Variants in NOC2L observed in about 807,000 individuals in gnomAD.
The protein encoded by NOC2L is NOC2 like nucleolar associated transcriptional repressor.
NOC2L carries 101 observed loss-of-function variants against 94.2 expected under a neutral mutation model. The ratio of observed to expected loss-of-function variants is 1.07; its 90% CI spans 0.91 to 1.26. The LOEUF is 1.26. NOC2L is among the 50% of genes most tolerant of loss of function. The probability of loss-of-function intolerance (pLI) is 0.00; values close to 1 mark genes in which losing one functional copy is unlikely to be tolerated. For synonymous variants in NOC2L, 531 were observed against 413.4 expected, an observed-to-expected ratio of 1.28 and a Z score of -3.45; for missense variants, 1,076 against 980.1, an observed-to-expected ratio of 1.10 and a Z score of -1.31.
At position 951,958 on chromosome 1, in the gene NOC2L, C is replaced by T. The variant is rs545084802; in HGVS notation, c.1331+42G>A. 6 of 1,584,440 alleles carry T rather than the reference C, an allele frequency of 3.8e-6. No individual in the cohort carries two copies. In the East Asian group the frequency reaches 1.1e-4, roughly 30 times the overall value. ...CCACACAGTCCCAGCAAATTTGCTT[C>T]TCCTGACCCTCCCGCACAACCCTGC... On this transcript the variant is annotated intron_variant, in intron 11 of 18. Transcript: ENST00000327044.
rs776108572 is a variant in NOC2L at position 946,429 on chromosome 1, G to A, written c.1776C>T (p.Ser592=). The A allele has an allele frequency of 3.1e-6, 5 of 1,613,422 alleles. No homozygotes were observed. In the Admixed American group the frequency reaches 5.0e-5, roughly 16 times the overall value. The change falls in exon 15 of 19, where the codon TCC becomes TCT. Residue 592 remains serine (S), a synonymous_variant. Transcript: ENST00000327044. ...CTGCCTGCTGCTCAGAGACGCCGAA[G>A]GAAACCCTCTGGCGGCGGCTGCAGA... ...AYICSRRQRV[S]FGVSEQQAVE...
chr1:945,465 C>T (rs982358721), intron 17 of NOC2L, 53 bp downstream of exon 17: 12 of 1,602,752 alleles, frequency 7.5e-6, no homozygotes, highest in Non-Finnish European at 9.4e-6. Context: ...CTGGGAAGTC[C>T]AGCAGAGCCC....
chr1:946,374 G>T (rs760003104), intron 15 of NOC2L, 28 bp downstream of exon 15: 33 of 1,613,400 alleles, frequency 2.0e-5, no homozygotes, highest in Non-Finnish European at 2.6e-5. Flanking sequence ...GGTGCCCTCA[G>T]GTGGCACTAC....
intron 14 of NOC2L, 111 bp downstream of exon 14, chr1:948,020 A>T (rs1569937611): frequency 1.2e-6 from 1 of 827,500 alleles, no homozygotes; most frequent in Admixed American, 2.2e-5. Context: ...GTCAGGTTCC[A>T]CCCCAGTCCC....
chr1:954,794 C>T (rs1216544792), intron 6 of NOC2L, among the ~76,000 whole-genome samples: 2 of 151,858 alleles, frequency 1.3e-5, no homozygotes, highest in African/African-American at 2.4e-5. Flanking sequence ...TGCATTCCAG[C>T]CTGGGCGACA....
chr1:958,133 A>G (rs1370484574), intron 2 of NOC2L: 1 of 149,050 alleles, frequency 6.7e-6, no homozygotes, highest in Non-Finnish European at 1.5e-5. Flanking sequence ...CAGTGGCGCA[A>G]TCTCCACTCA....
chr1:958,280 T>C, intron 2 of NOC2L: 1 of 168,110 alleles, frequency 5.9e-6, no homozygotes, highest in Admixed American at 6.0e-5. Context: ...TGAGATGGAG[T>C]CTCACTCTCT....
Position 959,051 on chromosome 1 carries a change from G to A in NOC2L, c.57C>T (p.Phe19=), listed in dbSNP as rs201791495. The A allele has an allele frequency of 5.0e-6, 8 of 1,610,860 alleles. No individual in the cohort carries two copies. The highest frequency in any genetic ancestry group is 2.2e-5 in the East Asian group (1 of 44,862). The part of the protein sequence containing the change: ...RRLAELTVDE[F]LASGFDSESE... ...ACTCGGAGTCAAAGCCCGAAGCTAG[G>A]AACTCGTCCACCGTCAGCTCCGCCA... is the stretch of plus-strand genomic sequence containing the variant. Residue 19 remains phenylalanine (F), a synonymous_variant, in exon 2 of 19, where the codon TTC becomes TTT. Transcript: ENST00000327044.
chr1:956,682 C>T (rs536576052), intron 4 of NOC2L, among the ~76,000 whole-genome samples: 2 of 152,176 alleles, frequency 1.3e-5, no homozygotes, highest in African/African-American at 2.4e-5. Context: ...GGAGGAGCAA[C>T]GTGTTGTCAC....
At chr1:948,451 G>C (rs1460151782) in intron 13 of NOC2L, 39 bp downstream of exon 13, 1 of 1,491,472 alleles carries the variant, frequency 6.7e-7, no homozygotes, top group East Asian at 2.3e-5. Flanking sequence ...ACCCCACCCT[G>C]GGAACTGCCC....
intron 16 of NOC2L, 22 bp downstream of exon 16, chr1:946,150 CA>C (rs1201268893): frequency 1.9e-6 from 3 of 1,544,110 alleles, no homozygotes; most frequent in Non-Finnish European, 2.7e-6. Context: ...AACACACCCC[CA>C]GGTCCCCTCG....
intron 9 of NOC2L, 49 bp from the exon 10 acceptor site, chr1:952,649 T>C (rs1178234319): frequency 1.3e-6 from 2 of 1,581,486 alleles, no homozygotes; most frequent in Admixed American, 1.7e-5. Flanking sequence ...GCCATGCACC[T>C]CCACCGCCCA....
intron 6 of NOC2L, 134 bp downstream of exon 6, chr1:955,789 G>A: frequency 1.3e-6 from 1 of 768,762 alleles, no homozygotes; most frequent in Admixed American, 2.3e-5. Context: ...GTGCCCCGCT[G>A]CCTTCTCAGG....
At chr1:946,656 GA>G (rs757860078) in intron 14 of NOC2L, 111 bp from the exon 15 acceptor site, 22 of 1,294,718 alleles carry the variant, frequency 1.7e-5, no homozygotes, top group Non-Finnish European at 2.1e-5. Context: ...CCCAGGAGGG[GA>G]CATGGATCCC....
intron 18 of NOC2L, 123 bp downstream of exon 18, chr1:944,934 T>C (rs1642051378): frequency 2.0e-6 from 3 of 1,505,052 alleles, no homozygotes; most frequent in Non-Finnish European, 2.7e-6. Context: ...ACAGAGCATT[T>C]GGCCTGGCCT....
intron 2 of NOC2L, 136 bp downstream of exon 2, chr1:958,793 A>G: frequency 1.2e-6 from 1 of 861,502 alleles, no homozygotes; most frequent in Non-Finnish European, 1.9e-6. Context: ...TGAAAGAGTA[A>G]GTTAAGCTGA....
At position 952,205 on chromosome 1, in the gene NOC2L, TG is replaced by T. The variant is rs1357708370; in HGVS notation, c.1192-67del. On this transcript the variant is annotated intron_variant, in intron 10 of 18. Coordinates refer to ENST00000327044, the MANE Select transcript of NOC2L (RefSeq NM_015658.4). ...AAGTCAGGCTGATGCACGTTCCTCCTGGGCCGGCACAGGAATCATTTCCTCA... is the reference window on the plus strand; with the variant it reads ...AAGTCAGGCTGATGCACGTTCCTCCTGGCCGGCACAGGAATCATTTCCTCA... The T allele has an allele frequency of 8.9e-6, 14 of 1,578,554 alleles. No individual in the cohort carries two copies. In the African/African-American group the frequency reaches 1.3e-4, roughly 15 times the overall value.
rs138672231 is a variant in NOC2L at position 956,211 on chromosome 1, C to T, written c.491G>A (p.Arg164His). The T allele has an allele frequency of 1.0e-3, 1,635 of 1,613,434 alleles. 4 individuals carry two copies. The highest frequency in any genetic ancestry group is 2.5e-3 in the Middle Eastern group (15 of 6,060). The stretch of plus-strand genomic sequence containing the variant: ...TTCATGGAACAGCTTTGGAGTGAGG[C>T]GTTGCTGAAGGAGCAAGAGTACCAG... ...VERWKQAAKQ[R>H]LTPKLFHEVV... is the part of the protein sequence containing the mutation. Residue 164 changes from arginine to histidine, a missense_variant, in exon 5 of 19, where the codon CGC becomes CAC. Transcript: ENST00000327044.
rs1557620130 is a variant in NOC2L at position 952,472 on chromosome 1, GGCGT to G, written c.1127_1130del (p.His376ProfsTer16). 1 of 1,613,836 alleles carries G rather than the reference GGCGT, an allele frequency of 6.2e-7. No individual in the cohort carries two copies. Among genetic ancestry groups the G allele is most frequent in the Non-Finnish European group, 8.5e-7 (1 of 1,179,998 alleles). ...TGGCGAGCTGGCGGATGTAGAGGAA[GGCGT>G]GCTGGTAGGCCACACCCGGCTCCAG... On this transcript the variant is annotated frameshift_variant, in exon 10 of 19. Transcript: ENST00000327044. LOFTEE classifies it high-confidence loss of function.
Sources: gnomAD v4.1 joint callset for allele counts (sites outside exome capture counted in the v4.1 genomes callset) on GRCh38, gnomAD v4.1.1 for gene constraint, MANE v1.5 for transcripts, NCBI Gene and HGNC (gene_info 2026-07-23, HGNC 2026-07-21) for gene names.